The following RAD54L variants were observed in gnomAD, a reference collection of about 807,000 sequenced individuals.
RAD54L encodes RAD54 like.
RAD54L carries 74 observed loss-of-function variants against 91.6 expected under a neutral mutation model. The ratio of observed to expected loss-of-function variants is 0.81; its 90% CI spans 0.67 to 0.98. The LOEUF (loss-of-function observed/expected upper bound fraction) is 0.98. Ranked by LOEUF, RAD54L falls within the 50% of genes least tolerant of loss-of-function variation. The pLI is 0.00. For synonymous variants in RAD54L, 304 were observed against 349.7 expected, an observed-to-expected ratio of 0.87 and a Z score of 1.46; for missense variants, 887 against 945.7, an observed-to-expected ratio of 0.94 and a Z score of 0.81.
chr1:46,271,542 C>T (rs1006642944), intron 10 of RAD54L, among the ~76,000 whole-genome samples: 7 of 151,940 alleles, frequency 4.6e-5, no homozygotes, highest in Admixed American at 2.6e-4. Context: ...CCTGTAGTCC[C>T]GGTTACTCTG....
upstream of RAD54L, chr1:46,247,698 A>T (rs192969166): frequency 2.5e-5 from 4 of 158,612 alleles, no homozygotes; most frequent in Admixed American, 2.4e-4. Context: ...AATGGGTGAT[A>T]CGACGGCAGC....
chr1:46,261,795 A>G (rs1023011559), intron 8 of RAD54L, among the ~76,000 whole-genome samples: 1 of 152,184 alleles, frequency 6.6e-6, no homozygotes, highest in African/African-American at 2.4e-5. Context: ...TAGGATCTGT[A>G]GCCTGTACTT....
intron 9 of RAD54L, among the ~76,000 whole-genome samples, chr1:46,269,310 CTT>C (rs76085646): frequency 8.7e-4 from 122 of 140,018 alleles, no homozygotes; most frequent in East Asian, 8.2e-4. Context: ...CAACTATAGT[CTT>C]TTTTTTTTTT....
At chr1:46,258,652 C>T in intron 3 of RAD54L, 34 bp from the exon 4 acceptor site, 7 of 1,499,546 alleles carry the variant, frequency 4.7e-6, no homozygotes, top group Non-Finnish European at 6.5e-6. Context: ...CATCTCCAGT[C>T]AGTCCTGAAT....
chr1:46,248,215 TCA>T lies in RAD54L; in HGVS notation c.-188_-187del. ...CTCGGCTTATTGGGGACGGCCACTCTCACAGTTTGGTTCCAAACACCAGTTCC... is the reference window on the plus strand; with the variant it reads ...CTCGGCTTATTGGGGACGGCCACTCTCAGTTTGGTTCCAAACACCAGTTCC... On this transcript the variant is annotated 5_prime_UTR_variant, in exon 1 of 18. Transcript: ENST00000371975. The T allele has an allele frequency of 1.4e-6, 1 of 735,062 alleles. No individual in the cohort carries two copies. Among genetic ancestry groups the T allele is most frequent in the South Asian group, 1.5e-5 (1 of 65,754 alleles). 45.5% of individuals were successfully genotyped at this position (735,062 alleles called of 1,614,324 possible). A position where few individuals can be genotyped will look rare whatever the true frequency, so the allele number is the denominator to read the frequency against.
chr1:46,268,144 G>GA (rs1320485746), intron 9 of RAD54L, among the ~76,000 whole-genome samples: 1 of 151,950 alleles, frequency 6.6e-6, no homozygotes, highest in African/African-American at 2.4e-5. Flanking sequence ...GCTGGGGTGG[G>GA]AAGATCACTT....
At position 46,248,497 on chromosome 1, in the gene RAD54L, G is replaced by A. The variant is rs143479137; in HGVS notation, c.4-15G>A. Reference sequence around the variant, plus strand: ...CAGGATCCTTGCAGGCACTGTTTCTGTTCTCCCTTTACAGAGGAGGAGCTT... The same window carrying A: ...CAGGATCCTTGCAGGCACTGTTTCTATTCTCCCTTTACAGAGGAGGAGCTT... On this transcript the variant is annotated splice_polypyrimidine_tract_variant and intron_variant, in intron 1 of 17. Transcript: ENST00000371975. 204 of 1,614,106 alleles carry A rather than the reference G, an allele frequency of 1.3e-4. No homozygotes were observed. The East Asian group carries it at 4.0e-3, about 32-fold the overall frequency.
chr1:46,261,427 T>A, intron 8 of RAD54L, 42 bp downstream of exon 8: 1 of 1,611,910 alleles, frequency 6.2e-7, no homozygotes, highest in South Asian at 1.1e-5. Context: ...AGAAAATCTG[T>A]CAAAATCTCT....
rs1659692540 is a variant in RAD54L, at chr1:46,248,014, C to G, written c.-392C>G. 1 of 356,544 alleles carries G rather than the reference C, an allele frequency of 2.8e-6. No individual in the cohort carries two copies. The highest frequency in any genetic ancestry group is 5.4e-6 in the Non-Finnish European group (1 of 185,302). The allele number at this position is 356,544 out of a possible 1,614,324, so 22.1% of individuals were successfully genotyped here. ...TTCACCCCAGCTTCTCTCTCCTGGCCAGTGATTACCCACCCCCAATCCCAC... is the reference window on the plus strand; with the variant it reads ...TTCACCCCAGCTTCTCTCTCCTGGCGAGTGATTACCCACCCCCAATCCCAC... On this transcript the variant is annotated 5_prime_UTR_variant, in exon 1 of 18. Transcript: ENST00000371975.
At position 46,272,462 on chromosome 1, in the gene RAD54L, C is replaced by G; in HGVS notation, c.1170-4C>G. On this transcript the variant is annotated splice_region_variant and splice_polypyrimidine_tract_variant and intron_variant, in intron 10 of 17. Coordinates refer to ENST00000371975, the MANE Select transcript of RAD54L (RefSeq NM_003579.4). Reference sequence around the variant, plus strand: ...CTCTTGCCTTTTTATCCTGTTTTCTCTAGATGCCTGATACGGAGGACTTCT... The same window carrying G: ...CTCTTGCCTTTTTATCCTGTTTTCTGTAGATGCCTGATACGGAGGACTTCT... 6.2e-7 allele frequency: 1 copy of G among 1,604,362 alleles called. No individual in the cohort carries two copies. Among genetic ancestry groups the G allele is most frequent in the Non-Finnish European group, 8.5e-7 (1 of 1,171,164 alleles).
intron 16 of RAD54L, among the ~76,000 whole-genome samples, chr1:46,276,628 G>A (rs1257831634): frequency 6.6e-6 from 1 of 152,144 alleles, no homozygotes; most frequent in African/African-American, 2.4e-5. Flanking sequence ...AAGCCCTCCT[G>A]AGGTCATGGT....
chr1:46,270,493 C>T (rs1660391291), intron 9 of RAD54L, among the ~76,000 whole-genome samples, 166 bp from the exon 10 acceptor site: 1 of 152,186 alleles, frequency 6.6e-6, no homozygotes, highest in African/African-American at 2.4e-5. Context: ...CAAGTCTTCA[C>T]TGCTTTGATA....
chr1:46,267,705 T>A, intron 9 of RAD54L, 96 bp downstream of exon 9: 1 of 1,459,848 alleles, frequency 6.9e-7, no homozygotes, highest in Non-Finnish European at 9.5e-7. Context: ...AGAATGCTAG[T>A]TATATGTGGG....
chr1:46,273,550 G>T, intron 13 of RAD54L, 74 bp from the exon 14 acceptor site: 1 of 1,611,724 alleles, frequency 6.2e-7, no homozygotes, highest in Non-Finnish European at 8.5e-7. Context: ...CTGTTTCAAG[G>T]CAGGATATCA....
chr1:46,261,234 G>A (rs756519003), intron 7 of RAD54L, 27 bp from the exon 8 acceptor site: 1 of 1,331,384 alleles, frequency 7.5e-7, no homozygotes, highest in South Asian at 1.2e-5. Context: ...ATTCTGAATT[G>A]TTCCCTTTAC....
intron 9 of RAD54L, among the ~76,000 whole-genome samples, chr1:46,268,516 C>A (rs1364307914): frequency 6.6e-6 from 1 of 152,070 alleles, no homozygotes; most frequent in Non-Finnish European, 1.5e-5. Flanking sequence ...TACTAACACT[C>A]TCTCAGCAGC....
At chr1:46,257,770 T>G (rs1659983040) in intron 3 of RAD54L, among the ~76,000 whole-genome samples, 1 of 152,212 alleles carries the variant, frequency 6.6e-6, no homozygotes, top group South Asian at 2.1e-4. Context: ...CTGATCTGCA[T>G]GGCTGTACTC....
chr1:46,274,516 C>G, intron 15 of RAD54L, 22 bp from the exon 16 acceptor site: 2 of 1,611,718 alleles, frequency 1.2e-6, no homozygotes, highest in South Asian at 1.1e-5. Context: ...GGTTCCTTTT[C>G]TCCTGTTTCT....
At chr1:46,274,066 A>T (rs1039213892) in intron 14 of RAD54L, 72 bp from the exon 15 acceptor site, 42 of 1,455,640 alleles carry the variant, frequency 2.9e-5, no homozygotes, top group Admixed American at 8.7e-5. Flanking sequence ...TTTTAAAAAA[A>T]TTTTTATTTT....
Sources: allele counts gnomAD v4.1 joint callset (sites outside exome capture counted in the v4.1 genomes callset), GRCh38; gene constraint gnomAD v4.1.1; transcripts MANE v1.5; gene names NCBI Gene and HGNC (gene_info 2026-07-23, HGNC 2026-07-21).